The following POU2F1 variants were observed in gnomAD, a reference collection of about 807,000 sequenced individuals.
The protein encoded by POU2F1 is POU domain, class 2, transcription factor 1.
POU2F1 carries 16 observed loss-of-function variants against 84.9 expected under a neutral mutation model. The observed-to-expected ratio is 0.19, with a 90% CI of 0.13 to 0.29. The LOEUF (loss-of-function observed/expected upper bound fraction) is 0.29, where lower values mean the gene tolerates loss of function less well. POU2F1 is among the 10% of genes least tolerant of loss of function. The pLI is 1.00. For synonymous variants in POU2F1, 368 were observed against 368.3 expected (o/e 1.00, Z 0.01); for missense variants, 738 against 942.6 (o/e 0.78, Z 2.84).
chr1:167,308,815 G>A (rs201271343), intron 1 of POU2F1, among the ~76,000 whole-genome samples: 2 of 152,166 alleles, frequency 1.3e-5, no homozygotes, highest in East Asian at 3.9e-4. Flanking sequence ...CACCGTGCCT[G>A]GCCTTTTGTT....
At chr1:167,337,324 A>C (rs1230874790) in intron 2 of POU2F1, among the ~76,000 whole-genome samples, 1 of 148,328 alleles carries the variant, frequency 6.7e-6, no homozygotes, top group Non-Finnish European at 1.5e-5. Context: ...ACCTTGTCTC[A>C]AAAAAAAAAG....
At chr1:167,228,364 A>G (rs908462091) in intron 1 of POU2F1, among the ~76,000 whole-genome samples, 2 of 152,218 alleles carry the variant, frequency 1.3e-5, no homozygotes, top group African/African-American at 2.4e-5. Context: ...TTTATTAACT[A>G]ATTACTGTAG....
intron 1 of POU2F1, among the ~76,000 whole-genome samples, chr1:167,266,501 T>C (rs1251424100): frequency 3.3e-5 from 5 of 152,186 alleles, no homozygotes; most frequent in African/African-American, 7.2e-5. Flanking sequence ...TCTAGAATTA[T>C]TAAAACAAAA....
intron 1 of POU2F1, among the ~76,000 whole-genome samples, chr1:167,300,246 A>G (rs1000033177): frequency 6.6e-6 from 1 of 152,192 alleles, no homozygotes; most frequent in African/African-American, 2.4e-5. Context: ...AGATGGGAAC[A>G]GCAGACACTG....
intron 2 of POU2F1, among the ~76,000 whole-genome samples, chr1:167,361,983 T>A (rs12750477): frequency 0.15 from 23,568 of 152,076 alleles, 2,081 homozygotes; most frequent in Non-Finnish European, 0.2. Flanking sequence ...TCTCCTAATG[T>A]AGGGTGCTCC....
chr1:167,395,499 G>C (rs1049292854), intron 9 of POU2F1, among the ~76,000 whole-genome samples: 1 of 152,116 alleles, frequency 6.6e-6, no homozygotes, highest in African/African-American at 2.4e-5. Context: ...TTTTTAAAGT[G>C]ATTTTTGGGA....
chr1:167,297,135 A>G (rs543055259), intron 1 of POU2F1, among the ~76,000 whole-genome samples: 1 of 152,234 alleles, frequency 6.6e-6, no homozygotes, highest in South Asian at 2.1e-4. Flanking sequence ...CATATACAAC[A>G]GGAGTTTTGC....
chr1:167,291,044 G>GAAAAAA (rs56798282), intron 1 of POU2F1, among the ~76,000 whole-genome samples: 1 of 117,382 alleles, frequency 8.5e-6, no homozygotes, highest in Non-Finnish European at 1.8e-5. Context: ...GACCCTGTCA[G>GAAAAAA]AAAAAAAAAA....
intron 1 of POU2F1, among the ~76,000 whole-genome samples, chr1:167,241,935 T>G (rs1434758553): frequency 6.6e-6 from 1 of 152,206 alleles, no homozygotes; most frequent in African/African-American, 2.4e-5. Flanking sequence ...TCTAATTTAA[T>G]CACAAACGCA....
chr1:167,402,107 A>C (rs543206435), intron 13 of POU2F1, among the ~76,000 whole-genome samples: 2 of 152,342 alleles, frequency 1.3e-5, no homozygotes, highest in Admixed American at 1.3e-4. Context: ...AGTGCATGAC[A>C]TACTCACTAT....
intron 1 of POU2F1, among the ~76,000 whole-genome samples, chr1:167,239,449 G>A (rs1649744831): frequency 6.6e-6 from 1 of 152,116 alleles, no homozygotes; most frequent in Admixed American, 6.5e-5. Flanking sequence ...TGCTGTCCAT[G>A]GGCAGCAGTT....
rs1649188900 is a variant in POU2F1, at chr1:167,401,276, T to TA, written c.1450-171dup. On this transcript the variant is annotated intron_variant, in intron 12 of 15. Transcript: ENST00000367866. The stretch of plus-strand genomic sequence containing the variant: ...TTACGAACTTTTTATTATTTATTTT[T>TA]AAAACCCAGGCAAAGCTATCTGTGA... 2.6e-5 allele frequency among the ~76,000 whole-genome samples: 4 copies of TA among 152,226 alleles called. No individual in the cohort carries two copies. In the South Asian group the frequency reaches 8.3e-4, roughly 31 times the overall value.
chr1:167,343,547 C>G (rs1657993997), intron 2 of POU2F1, among the ~76,000 whole-genome samples: 1 of 150,470 alleles, frequency 6.6e-6, no homozygotes, highest in African/African-American at 2.4e-5. Flanking sequence ...TGCTTGAAGC[C>G]AAAAACTAGA....
At chr1:167,385,461 A>G (rs1227080753) in intron 8 of POU2F1, among the ~76,000 whole-genome samples, 5 of 152,204 alleles carry the variant, frequency 3.3e-5, no homozygotes, top group Admixed American at 3.3e-4. Context: ...ATACTGGCAT[A>G]TGGATAGAAA....
At chr1:167,371,788 AAGG>A in intron 4 of POU2F1, 126 bp from the exon 5 acceptor site, 1 of 1,247,508 alleles carries the variant, frequency 8.0e-7, no homozygotes, top group Non-Finnish European at 1.1e-6. Context: ...AAATAAAAGA[AAGG>A]AGGTAAACCA....
rs1014816718 is a variant in POU2F1 at position 167,267,718 on chromosome 1, T to C, written c.61+46760T>C. Among the ~76,000 whole-genome samples the C allele has an allele frequency of 1.2e-4, 16 of 131,242 alleles. No homozygotes were observed. The East Asian group carries it at 1.9e-3, about 15-fold the overall frequency. The allele number at this position is 131,242 out of a possible 152,430, so 86.1% of individuals were successfully genotyped here. ...GTGCAGTGGTGCGATCTTGACTCACTGCAAGCTCCGCCTCCCAGGTTCATG... is the reference window on the plus strand; with the variant it reads ...GTGCAGTGGTGCGATCTTGACTCACCGCAAGCTCCGCCTCCCAGGTTCATG... On this transcript the variant is annotated intron_variant, in intron 1 of 15. Transcript: ENST00000367866.
chr1:167,306,886 G>A (rs879204940), intron 1 of POU2F1, among the ~76,000 whole-genome samples: 1 of 152,114 alleles, frequency 6.6e-6, no homozygotes, highest in Admixed American at 6.5e-5. Context: ...AGGTATAAAG[G>A]GTGTAGACTT....
rs529707801 is a variant in POU2F1 at position 167,262,004 on chromosome 1, CTT to C, written c.61+41049_61+41050del. On this transcript the variant is annotated intron_variant, in intron 1 of 15. Transcript: ENST00000367866. ...CCAGCCTTGATTATGTTTGATAACA[CTT>C]TTGTATTTTTCTGATTGCTTTGAAA... Among the ~76,000 whole-genome samples, 8 of 152,234 alleles carry C rather than the reference CTT, an allele frequency of 5.3e-5. No homozygotes were observed. The East Asian group carries it at 9.7e-4, about 18-fold the overall frequency.
At chr1:167,332,335 A>G (rs548618828) in intron 1 of POU2F1, 135 bp from the exon 2 acceptor site, 17 of 570,036 alleles carry the variant, frequency 3.0e-5, no homozygotes, top group Non-Finnish European at 4.4e-5. Context: ...TTAGCCAGAC[A>G]TGTATACACT....
Sources: allele counts gnomAD v4.1 joint callset (sites outside exome capture counted in the v4.1 genomes callset), GRCh38; gene constraint gnomAD v4.1.1; transcripts MANE v1.5; gene names NCBI Gene and HGNC (gene_info 2026-07-23, HGNC 2026-07-21).